DENND4C: variants seen among roughly 807,000 people sequenced by gnomAD.
The protein encoded by DENND4C is DENN domain containing 4C, also known as DENN domain-containing protein 4C.
In DENND4C, 108 loss-of-function variants were observed where a neutral mutation model predicts 203.0. That is an observed-to-expected ratio of 0.53 (90% confidence interval 0.46 to 0.62). The LOEUF is 0.62. Among genes scored for constraint, DENND4C ranks in the 20% least tolerant of loss-of-function variants. The pLI, the probability that DENND4C is intolerant of heterozygous loss-of-function variation, is 0.00. For missense variants in DENND4C, 2,481 were observed against 2,301.2 expected (o/e 1.08, Z -1.60); for synonymous variants, 871 against 792.4 (o/e 1.10, Z -1.67).
At chr9:19,328,275 T>A in intron 16 of DENND4C, 113 bp downstream of exon 16, 1 of 1,081,808 alleles carries the variant, frequency 9.2e-7, no homozygotes, top group Non-Finnish European at 1.3e-6. Context: ...AGACTCACTT[T>A]GGTTGTTATT....
At chr9:19,312,857 A>G (rs1841019074) in intron 10 of DENND4C, among the ~76,000 whole-genome samples, 1 of 152,208 alleles carries the variant, frequency 6.6e-6, no homozygotes, top group South Asian at 2.1e-4. Flanking sequence ...CTTCTCATTA[A>G]TACGTTATGT....
intron 17 of DENND4C, among the ~76,000 whole-genome samples, chr9:19,332,517 A>ATTTTTT (rs11310338): frequency 7.7e-6 from 1 of 130,208 alleles, no homozygotes; most frequent in Non-Finnish European, 1.6e-5. Context: ...TACCTGGCTA[A>ATTTTTT]TTTTTTTTTT....
In DENND4C at chr9:19,358,121, C is replaced by G. The variant is rs1358658854; in HGVS notation, c.5121C>G (p.Ile1707Met). 1 of 1,613,714 alleles carries G rather than the reference C, an allele frequency of 6.2e-7. No homozygotes were observed. The highest frequency in any genetic ancestry group is 1.3e-5 in the African/African-American group (1 of 74,912). Reference protein sequence around the residue: ...IDFTQRPFHGISTVSLPNSLQ... With the variant: ...IDFTQRPFHGMSTVSLPNSLQ... ...TTACCCAGCGACCGTTTCATGGCAT[C>G]TCAACAGTTAGTCTTCCAAATAGTC... is the stretch of plus-strand genomic sequence containing the variant. The change falls in exon 28 of 33, where the codon ATC becomes ATG. Residue 1707 changes from isoleucine to methionine, a missense_variant. By Grantham distance (10) the Ile-to-Met change is conservative. This residue lies in a region of DENND4C where 2,289 missense variants were observed against 2,113.3 expected (regional missense o/e 1.08). Transcript: ENST00000434457. This position sits in a 1 kb window ranked among gnomAD's most constrained non-coding sequence, Gnocchi z 4.8.
At chr9:19,317,286 C>CT (rs910616594) in intron 12 of DENND4C, among the ~76,000 whole-genome samples, 2 of 150,478 alleles carry the variant, frequency 1.3e-5, no homozygotes, top group African/African-American at 4.9e-5. Context: ...TTCCAAAATG[C>CT]TGGGATTACA....
intron 12 of DENND4C, among the ~76,000 whole-genome samples, chr9:19,322,117 C>T (rs908335320): frequency 1.3e-5 from 2 of 151,954 alleles, no homozygotes; most frequent in Non-Finnish European, 2.9e-5. Context: ...GAAGGGAGAG[C>T]GCATACAAAT....
At chr9:19,243,303 T>C (rs2383093) in intron 1 of DENND4C, among the ~76,000 whole-genome samples, 123,831 of 152,160 alleles carry the variant, frequency 0.81, 50,816 homozygotes, top group Admixed American at 0.88. Flanking sequence ...CAGGTTCACC[T>C]ATGTTGTAGT....
At chr9:19,339,514 C>G (rs1821150327) in intron 20 of DENND4C, among the ~76,000 whole-genome samples, 1 of 152,178 alleles carries the variant, frequency 6.6e-6, no homozygotes, top group African/African-American at 2.4e-5. Flanking sequence ...ATGATGTTGA[C>G]TCCTTCTCAG....
intron 2 of DENND4C, among the ~76,000 whole-genome samples, chr9:19,277,765 C>T (rs753999648): frequency 6.6e-6 from 1 of 152,102 alleles, no homozygotes; most frequent in Non-Finnish European, 1.5e-5. Context: ...CAGTCTTTTA[C>T]TATTGAGTAT....
At chr9:19,317,610 C>A (rs76786806) in intron 12 of DENND4C, among the ~76,000 whole-genome samples, 1 of 151,972 alleles carries the variant, frequency 6.6e-6, no homozygotes, top group Admixed American at 6.6e-5. Context: ...TCCTTTTGTC[C>A]TTTATCTTTT....
chr9:19,272,866 C>A (rs561827281), intron 1 of DENND4C, among the ~76,000 whole-genome samples: 2 of 151,218 alleles, frequency 1.3e-5, no homozygotes, highest in Non-Finnish European at 2.9e-5. Context: ...CTCCCGGGTT[C>A]AAGTGATTCT....
intron 21 of DENND4C, among the ~76,000 whole-genome samples, chr9:19,341,984 A>G (rs1821755787): frequency 1.3e-5 from 2 of 152,154 alleles, no homozygotes; most frequent in Admixed American, 1.3e-4. Context: ...TTAGCCAGGC[A>G]TAGTGGCAGC....
At chr9:19,243,091 G>A (rs1456354812) in intron 1 of DENND4C, among the ~76,000 whole-genome samples, 4 of 152,086 alleles carry the variant, frequency 2.6e-5, no homozygotes, top group Non-Finnish European at 5.9e-5. Context: ...TAATTTTAAA[G>A]GATTTTAATC....
chr9:19,338,450 T>G (rs1484772063), intron 20 of DENND4C, among the ~76,000 whole-genome samples: 1 of 152,162 alleles, frequency 6.6e-6, no homozygotes, highest in Non-Finnish European at 1.5e-5. Context: ...CTTCAATAGT[T>G]GGGCACAAAC....
chr9:19,342,707 C>T lies in DENND4C; in HGVS notation c.3079C>T (p.Pro1027Ser). 1 of 1,613,608 alleles carries T rather than the reference C, an allele frequency of 6.2e-7. No individual in the cohort carries two copies. The highest frequency in any genetic ancestry group is 8.5e-7 in the Non-Finnish European group (1 of 1,179,774). The change falls in exon 22 of 33, where the codon CCT becomes TCT. Residue 1027 changes from proline (P) to serine (S), a missense_variant. Coordinates refer to ENST00000434457, the MANE Select transcript of DENND4C (RefSeq NM_001330640.2). The part of the protein sequence containing the change: ...SPEPHSPTEP[P>S]AWGSSIVKVP... The stretch of plus-strand genomic sequence containing the variant: ...AGAGCCTCACAGTCCTACTGAACCT[C>T]CTGCATGGGGCAGCAGTATTGTGAA...
chr9:19,351,658 T>A (rs1470862784), intron 24 of DENND4C, among the ~76,000 whole-genome samples: 1 of 151,656 alleles, frequency 6.6e-6, no homozygotes, highest in Non-Finnish European at 1.5e-5. Context: ...ACAAAAAAAA[T>A]TAGCCAGGCG....
chr9:19,371,753 T>A lies in DENND4C; in HGVS notation c.5676-3T>A. 1 of 1,385,032 alleles carries A rather than the reference T, an allele frequency of 7.2e-7. No homozygotes were observed. Among genetic ancestry groups the A allele is most frequent in the Non-Finnish European group, 1.0e-6 (1 of 992,928 alleles). 85.8% of individuals were successfully genotyped at this position (1,385,032 alleles called of 1,614,324 possible). On this transcript the variant is annotated splice_region_variant and splice_polypyrimidine_tract_variant and intron_variant, in intron 31 of 32. Coordinates refer to ENST00000434457, the MANE Select transcript of DENND4C (RefSeq NM_001330640.2). ...TGACTTTTAAAACATATTTGTTTTATAGGAGTTTATACAGAGAAATCCTCT... is the reference window on the plus strand; with the variant it reads ...TGACTTTTAAAACATATTTGTTTTAAAGGAGTTTATACAGAGAAATCCTCT...
chr9:19,296,255 AATG>A lies in DENND4C; in HGVS notation c.1040+12_1040+14del. ...CCTCTTCCCATTGAAAAGTATGTAT[AATG>A]ATTAGAAAGATGGCTGGTGGAAAAC... On this transcript the variant is annotated intron_variant, in intron 6 of 32. Coordinates refer to ENST00000434457, the MANE Select transcript of DENND4C (RefSeq NM_001330640.2). 1 of 1,544,250 alleles carries A rather than the reference AATG, an allele frequency of 6.5e-7. No individual in the cohort carries two copies. The highest frequency in any genetic ancestry group is 8.9e-7 in the Non-Finnish European group (1 of 1,126,416).
intron 10 of DENND4C, among the ~76,000 whole-genome samples, chr9:19,314,173 G>A (rs1841304761): frequency 6.6e-6 from 1 of 152,094 alleles, no homozygotes; most frequent in Non-Finnish European, 1.5e-5. Context: ...CTACACATGA[G>A]GCCAGGCGCA....
chr9:19,274,332 G>C (rs1320921297), intron 1 of DENND4C, among the ~76,000 whole-genome samples: 1 of 151,326 alleles, frequency 6.6e-6, no homozygotes, highest in African/African-American at 2.4e-5. Context: ...TTTTGCTCTT[G>C]TTGCCCAGGC....
Sources: allele counts gnomAD v4.1 joint callset (sites outside exome capture counted in the v4.1 genomes callset), GRCh38; gene constraint gnomAD v4.1.1; regional missense constraint gnomAD v4.1.1; non-coding constraint Gnocchi (gnomAD v3.1); transcripts MANE v1.5; gene names NCBI Gene and HGNC (gene_info 2026-07-23, HGNC 2026-07-21).